SEZ6L: variants seen among roughly 807,000 people sequenced by gnomAD.
SEZ6L encodes seizure 6-like protein.
In SEZ6L, 37 loss-of-function variants were observed where a neutral mutation model predicts 106.2. That is an observed-to-expected ratio of 0.35 (90% CI 0.27 to 0.46). SEZ6L has a LOEUF of 0.46. SEZ6L is among the 20% of genes least tolerant of loss of function. The pLI is 1.00. For synonymous variants in SEZ6L, 541 were observed against 570.4 expected, an observed-to-expected ratio of 0.95 and a Z score of 0.73; for missense variants, 1,172 against 1,332.8, an observed-to-expected ratio of 0.88 and a Z score of 1.88.
intron 1 of SEZ6L, among the ~76,000 whole-genome samples, chr22:26,209,800 T>C (rs1302478272): frequency 1.8e-5 from 2 of 109,142 alleles, no homozygotes; most frequent in Admixed American, 2.3e-4. Context: ...GGAACAAAGA[T>C]GAATAGATGG....
intron 1 of SEZ6L, among the ~76,000 whole-genome samples, chr22:26,246,759 T>C (rs2079364641): frequency 6.6e-6 from 1 of 152,236 alleles, no homozygotes; most frequent in Non-Finnish European, 1.5e-5. Context: ...TAGAATTGAA[T>C]CTGTAATGGG....
Position 26,219,555 on chromosome 22 carries a change from C to G in SEZ6L, c.94+49792C>G, listed in dbSNP as rs547358684. ...CCATCTCCTGAGCCCAGGAAACCTA[C>G]ACAAGCCAGTAAATTAACCACTTTC... On this transcript the variant is annotated intron_variant, in intron 1 of 16. Coordinates refer to ENST00000248933, the MANE Select transcript of SEZ6L (RefSeq NM_021115.5). Among the ~76,000 whole-genome samples the G allele has an allele frequency of 2.2e-3, 339 of 152,230 alleles. 2 individuals are homozygous for G. The highest frequency in any genetic ancestry group is 7.0e-3 in the African/African-American group (291 of 41,534).
rs1284698473 is a variant in SEZ6L at position 26,375,613 on chromosome 22, A to G, written c.2866A>G (p.Asn956Asp). Residue 956 changes from asparagine to aspartate, a missense_variant, in exon 15 of 17, where the codon AAC becomes GAC. By Grantham distance (23) the Asn-to-Asp change is conservative. Coordinates refer to ENST00000248933, the MANE Select transcript of SEZ6L (RefSeq NM_021115.5). ...AGCAGAGACGTCGCTGGAAGGGGGG[A>G]ACATGGCCCTGGCTATCTTCATCCC... ...AAAETSLEGGNMALAIFIPVL... is the reference protein window; with the variant it reads ...AAAETSLEGGDMALAIFIPVL... 6.2e-7 allele frequency: 1 copy of G among 1,613,886 alleles called. No individual in the cohort carries two copies. Among genetic ancestry groups the G allele is most frequent in the Non-Finnish European group, 8.5e-7 (1 of 1,180,000 alleles).
chr22:26,264,628 T>C (rs2080118787), intron 1 of SEZ6L, among the ~76,000 whole-genome samples: 1 of 152,194 alleles, frequency 6.6e-6, no homozygotes, highest in Non-Finnish European at 1.5e-5. Context: ...AGTAAATATT[T>C]TATGCTTTGA....
chr22:26,356,733 G>T (rs545219958), intron 12 of SEZ6L, among the ~76,000 whole-genome samples: 1 of 151,738 alleles, frequency 6.6e-6, no homozygotes. Context: ...CCGTTGGGCT[G>T]TGCAAATCTT....
Position 26,361,526 on chromosome 22 carries a change from T to A in SEZ6L, c.2600-3846T>A, listed in dbSNP as rs1053191622. ...TGTCTCAAAAAAAAAAAAAAATATA[T>A]ATATATATATATGTATTAAGTGAAC... is the stretch of plus-strand genomic sequence containing the variant. On this transcript the variant is annotated intron_variant, in intron 12 of 16. Transcript: ENST00000248933. Among the ~76,000 whole-genome samples, 431 of 146,832 alleles carry A rather than the reference T, an allele frequency of 2.9e-3. 3 individuals carry two copies. The highest frequency in any genetic ancestry group is 0.01 in the East Asian group (52 of 4,978).
At chr22:26,370,219 A>G (rs2083980812) in intron 13 of SEZ6L, among the ~76,000 whole-genome samples, 1 of 152,030 alleles carries the variant, frequency 6.6e-6, no homozygotes. Flanking sequence ...CGTCTCTACT[A>G]AAAATACAAA....
intron 15 of SEZ6L, 62 bp from the exon 16 acceptor site, chr22:26,377,611 C>A: frequency 7.4e-7 from 1 of 1,356,632 alleles, no homozygotes; most frequent in South Asian, 1.2e-5. Flanking sequence ...TGTTCCCGTT[C>A]AATATTGTAA....
chr22:26,331,509 T>A (rs2082479395), intron 9 of SEZ6L, among the ~76,000 whole-genome samples: 3 of 152,156 alleles, frequency 2.0e-5, no homozygotes, highest in Admixed American at 6.5e-5. Flanking sequence ...TCTAAATATT[T>A]CAAAAACCAT....
intron 9 of SEZ6L, among the ~76,000 whole-genome samples, chr22:26,324,874 C>T (rs1330918533): frequency 6.6e-6 from 1 of 152,212 alleles, no homozygotes; most frequent in Non-Finnish European, 1.5e-5. Flanking sequence ...ACCCCAAATT[C>T]ACTGGCATAA....
intron 1 of SEZ6L, among the ~76,000 whole-genome samples, chr22:26,230,933 G>A (rs2078779892): frequency 6.6e-6 from 1 of 152,218 alleles, no homozygotes; most frequent in African/African-American, 2.4e-5. Flanking sequence ...AGTCGCCCAA[G>A]GCTTTCCAGG....
intron 1 of SEZ6L, among the ~76,000 whole-genome samples, chr22:26,277,038 G>C (rs551457953): frequency 1.1e-4 from 17 of 152,024 alleles, no homozygotes; most frequent in East Asian, 1.9e-4. Flanking sequence ...AGGCCCATTC[G>C]TGGGGGAGAA....
chr22:26,293,362 G>A (rs2081200491), intron 2 of SEZ6L, among the ~76,000 whole-genome samples: 2 of 152,336 alleles, frequency 1.3e-5, no homozygotes, highest in South Asian at 4.1e-4. Context: ...AAGGGGTCTT[G>A]ATCTTTCGCC....
At chr22:26,256,239 G>A (rs140788452) in intron 1 of SEZ6L, among the ~76,000 whole-genome samples, 25 of 152,280 alleles carry the variant, frequency 1.6e-4, no homozygotes, top group East Asian at 1.5e-3. Context: ...TGCCAGGGAC[G>A]TGTGCATGAA....
intron 1 of SEZ6L, among the ~76,000 whole-genome samples, chr22:26,233,540 G>A (rs1363734896): frequency 1.3e-5 from 2 of 152,246 alleles, no homozygotes; most frequent in East Asian, 3.8e-4. Context: ...AGATGAGGAA[G>A]CTGAGGCTCG....
At chr22:26,352,171 A>AAAAG (rs1462760438) in intron 12 of SEZ6L, among the ~76,000 whole-genome samples, 1 of 151,804 alleles carries the variant, frequency 6.6e-6, no homozygotes, top group Non-Finnish European at 1.5e-5. Flanking sequence ...AAAAAAAAAA[A>AAAAG]AAAAAGAATA....
intron 1 of SEZ6L, among the ~76,000 whole-genome samples, chr22:26,290,026 C>T (rs755422979): frequency 5.3e-5 from 8 of 152,182 alleles, no homozygotes; most frequent in East Asian, 1.9e-4. Context: ...ACGGGTGAGG[C>T]GCTGTCCTAA....
At chr22:26,199,887 T>A (rs1387524346) in intron 1 of SEZ6L, among the ~76,000 whole-genome samples, 1 of 152,218 alleles carries the variant, frequency 6.6e-6, no homozygotes, top group Admixed American at 6.5e-5. Context: ...GTCTCATACA[T>A]CTCATATTCA....
At chr22:26,301,840 A>C (rs180875009) in intron 5 of SEZ6L, among the ~76,000 whole-genome samples, 1 of 152,208 alleles carries the variant, frequency 6.6e-6, no homozygotes, top group East Asian at 1.9e-4. Flanking sequence ...AAATAAGATC[A>C]ATCTGACTAA....
Sources: allele counts gnomAD v4.1 joint callset (sites outside exome capture counted in the v4.1 genomes callset), GRCh38; gene constraint gnomAD v4.1.1; transcripts MANE v1.5; gene names NCBI Gene and HGNC (gene_info 2026-07-23, HGNC 2026-07-21).